Variants in TAFAZZIN observed in about 807,000 individuals in gnomAD.
TAFAZZIN encodes protein G4.5.
TAFAZZIN carries 6 observed loss-of-function variants against 27.3 expected under a neutral mutation model. That is an observed-to-expected ratio of 0.22 (90% CI 0.12 to 0.43). TAFAZZIN has a LOEUF of 0.43. Ranked by LOEUF, TAFAZZIN falls within the 20% of genes least tolerant of loss-of-function variation. The pLI, the probability that TAFAZZIN is intolerant of heterozygous loss-of-function variation, is 1.00. For synonymous variants in TAFAZZIN, 79 were observed against 96.2 expected (o/e 0.82, Z 1.04); for missense variants, 127 against 244.5 (o/e 0.52, Z 3.21).
At chrX:154,418,799 T>TC (rs1557193554) in intron 5 of TAFAZZIN, 1 of 112,461 alleles carries the variant, frequency 8.9e-6, no homozygotes, top group Non-Finnish European at 1.9e-5. Context: ...GGGTCTAGTT[T>TC]CCCGGGGTGC....
At chrX:154,415,448 GTAGA>G (rs1274309747) in intron 5 of TAFAZZIN, among the ~76,000 whole-genome samples, 1 of 111,167 alleles carries the variant, frequency 9.0e-6, no homozygotes, top group Non-Finnish European at 1.9e-5. Context: ...AGATAGATAG[GTAGA>G]TAGATAGGTA....
chrX:154,419,395 C>A lies in TAFAZZIN; in HGVS notation c.461-148C>A, dbSNP rs966753668. On this transcript the variant is annotated intron_variant, in intron 5 of 10. Coordinates refer to ENST00000601016, the MANE Select transcript of TAFAZZIN (RefSeq NM_000116.5). ...AATCTGCTGGGGCTTTCCCAGCAAGCAGGGACTGAGGGGGATAGTCCCCAA... is the reference window on the plus strand; with the variant it reads ...AATCTGCTGGGGCTTTCCCAGCAAGAAGGGACTGAGGGGGATAGTCCCCAA... 34 of 585,040 alleles carry A rather than the reference C, an allele frequency of 5.8e-5. No homozygotes were observed. The African/African-American group carries it at 6.9e-4, about 12-fold the overall frequency. 48.2% of individuals were successfully genotyped at this position (585,040 alleles called of 1,213,427 possible). A position where few individuals can be genotyped will look rare whatever the true frequency, so the allele number is the denominator to read the frequency against.
intron 2 of TAFAZZIN, chrX:154,412,875 G>T: frequency 2.8e-6 from 1 of 352,919 alleles, no homozygotes. Context: ...GGTGGATCCT[G>T]GGAGGCCAGG....
Position 154,412,114 on chromosome X carries a change from C to T in TAFAZZIN, c.138C>T (p.Asn46=). The T allele has an allele frequency of 8.3e-7, 1 of 1,209,600 alleles. No homozygotes were observed. The highest frequency in any genetic ancestry group is 1.1e-6 in the Non-Finnish European group (1 of 894,542). ...TKYMNHLTVH[N]REVLYELIEK... ...ACATGAACCACCTGACCGTGCACAACAGGGAGGTGCTGTACGAGCTCATCG... is the reference window on the plus strand; with the variant it reads ...ACATGAACCACCTGACCGTGCACAATAGGGAGGTGCTGTACGAGCTCATCG... The change falls in exon 2 of 11, where the codon AAC becomes AAT. Residue 46 remains asparagine (N), a synonymous_variant. Transcript: ENST00000601016.
In TAFAZZIN at chrX:154,412,186, G is replaced by C. The variant is rs977521848; in HGVS notation, c.210G>C (p.Gln70His). The C allele has an allele frequency of 1.0e-5, 12 of 1,198,459 alleles. No homozygotes were observed. Among genetic ancestry groups the C allele is most frequent in the Non-Finnish European group, 1.3e-5 (12 of 888,900 alleles). Residue 70 changes from glutamine to histidine, a missense_variant, in exon 2 of 11, where the codon CAG (glutamine) becomes CAC (histidine). By Grantham distance (24) the Gln-to-His change is conservative. Transcript: ENST00000601016. ...ATPLITVSNH[Q>H]SCMDDPHLWG... Reference sequence around the variant, plus strand: ...CCCTCATCACCGTGTCCAATCACCAGTCCTGCATGGACGACCCTCATCTCT... The same window carrying C: ...CCCTCATCACCGTGTCCAATCACCACTCCTGCATGGACGACCCTCATCTCT...
Position 154,411,562 on chromosome X carries a change from C to T in TAFAZZIN, c.-282C>T. On this transcript the variant is annotated 5_prime_UTR_variant, in exon 1 of 11. Transcript: ENST00000601016. ...TCGCTTTCCGGCGGTTGCACCGGGC[C>T]GGGGTGCCAGCGCCCGCCTTCCCGT... is the stretch of plus-strand genomic sequence containing the variant. The T allele has an allele frequency of 2.6e-6, 1 of 387,598 alleles. No homozygotes were observed. The highest frequency in any genetic ancestry group is 4.7e-6 in the Non-Finnish European group (1 of 212,219). 31.9% of individuals were successfully genotyped at this position (387,598 alleles called of 1,213,427 possible). A position where few individuals can be genotyped will look rare whatever the true frequency, so the allele number is the denominator to read the frequency against.
In TAFAZZIN at chrX:154,421,686, G is replaced by T. The variant is rs1557195009; in HGVS notation, c.*682G>T. ...CTAGGGCCTGGGTTTTCATGTTTTT[G>T]AAACAGAACCATAAAGCATATGTGT... On this transcript the variant is annotated 3_prime_UTR_variant, in exon 11 of 11. Coordinates refer to ENST00000601016, the MANE Select transcript of TAFAZZIN (RefSeq NM_000116.5). 1 of 329,608 alleles carries T rather than the reference G, an allele frequency of 3.0e-6. No homozygotes were observed. The highest frequency in any genetic ancestry group is 5.9e-6 in the Non-Finnish European group (1 of 170,059). 27.2% of individuals were successfully genotyped at this position (329,608 alleles called of 1,213,427 possible).
intron 5 of TAFAZZIN, among the ~76,000 whole-genome samples, chrX:154,417,449 G>C (rs188343360): frequency 1.8e-5 from 2 of 112,706 alleles, no homozygotes; most frequent in South Asian, 3.6e-4. Context: ...AGACCGCAGC[G>C]GGGGAATGGA....
chrX:154,417,920 G>A (rs1234369844), intron 5 of TAFAZZIN, among the ~76,000 whole-genome samples: 1 of 111,947 alleles, frequency 8.9e-6, no homozygotes, highest in Non-Finnish European at 1.9e-5. Context: ...GGCAAAGGCA[G>A]TATTTGGCAC....
At chrX:154,417,727 TACTTCTGTCTCTGTAAAGGA>T (rs1469730867) in intron 5 of TAFAZZIN, among the ~76,000 whole-genome samples, 4 of 111,837 alleles carry the variant, frequency 3.6e-5, no homozygotes, top group Admixed American at 9.5e-5. Flanking sequence ...TTTTGGAGGC[TACTTCTGTCTCTGTAAAGGA>T]ACTTCTGTCT....
chrX:154,412,938 G>T (rs941138574), intron 2 of TAFAZZIN: 1 of 423,044 alleles, frequency 2.4e-6, no homozygotes, highest in Non-Finnish European at 4.2e-6. Flanking sequence ...TGCAGTGACA[G>T]TACAGGGAGA....
At chrX:154,419,838 A>G in intron 7 of TAFAZZIN, 92 bp downstream of exon 7, 1 of 1,125,192 alleles carries the variant, frequency 8.9e-7, no homozygotes, top group Non-Finnish European at 1.2e-6. Flanking sequence ...GCTGGCTTGT[A>G]TGGGGGTAGA....
At position 154,419,497 on chromosome X, in the gene TAFAZZIN, C is replaced by T. The variant is rs112760522; in HGVS notation, c.461-46C>T. 2,824 of 1,177,661 alleles carry T rather than the reference C, an allele frequency of 2.4e-3. 56 individuals carry two copies. The African/African-American group carries it at 0.042, about 18-fold the overall frequency. ...GAGGGTAAGCTAACCTGTCACCCCA[C>T]GCCCCCGAGAATGGTTACTGATAGG... On this transcript the variant is annotated intron_variant, in intron 5 of 10. Transcript: ENST00000601016.
chrX:154,415,076 G>C (rs900490699), intron 5 of TAFAZZIN, among the ~76,000 whole-genome samples: 6 of 109,741 alleles, frequency 5.5e-5, no homozygotes, highest in Admixed American at 3.9e-4. Flanking sequence ...GGCTGAGGTG[G>C]GAGGATCACT....
At chrX:154,420,358 C>T in intron 9 of TAFAZZIN, 94 bp downstream of exon 9, 1 of 1,052,659 alleles carries the variant, frequency 9.5e-7, no homozygotes, top group Non-Finnish European at 1.3e-6. Context: ...GCAGGAGGAG[C>T]TGAGCATGAG....
At chrX:154,413,905 T>C (rs1350562835) in intron 4 of TAFAZZIN, among the ~76,000 whole-genome samples, 196 bp from the exon 5 acceptor site, 4 of 111,507 alleles carry the variant, frequency 3.6e-5, no homozygotes, top group African/African-American at 9.8e-5. Context: ...GGCAGTAGCA[T>C]GTACCTGCAG....
intron 5 of TAFAZZIN, chrX:154,419,112 G>T (rs782343482): frequency 2.8e-5 from 5 of 177,755 alleles, no homozygotes; most frequent in Non-Finnish European, 5.3e-5. Context: ...CTGACCTGGG[G>T]ATCTTTGAGA....
At position 154,421,045 on chromosome X, in the gene TAFAZZIN, C is replaced by T. The variant is rs782345615; in HGVS notation, c.*41C>T. 10 of 1,138,634 alleles carry T rather than the reference C, an allele frequency of 8.8e-6. No individual in the cohort carries two copies. Among genetic ancestry groups the T allele is most frequent in the Non-Finnish European group, 1.1e-5 (9 of 832,169 alleles). The allele number at this position is 1,138,634 out of a possible 1,213,427, so 93.8% of individuals were successfully genotyped here. ...TTCTGGATTCTTGGCCCGCACAGAG[C>T]TGGGGCTGAGGGATGGACTGATGCT... On this transcript the variant is annotated 3_prime_UTR_variant, in exon 11 of 11. Coordinates refer to ENST00000601016, the MANE Select transcript of TAFAZZIN (RefSeq NM_000116.5).
intron 2 of TAFAZZIN, 153 bp downstream of exon 2, chrX:154,412,367 G>C (rs2068338813): frequency 1.3e-6 from 1 of 781,842 alleles, no homozygotes; most frequent in Non-Finnish European, 1.8e-6. Flanking sequence ...ACTTGGATTT[G>C]TGGCTCCTGC....
Sources: gnomAD v4.1 joint callset for allele counts (sites outside exome capture counted in the v4.1 genomes callset) on GRCh38, gnomAD v4.1.1 for gene constraint, MANE v1.5 for transcripts, NCBI Gene and HGNC (gene_info 2026-07-23, HGNC 2026-07-21) for gene names.